Variants in WNK3 observed in about 807,000 individuals in gnomAD.
WNK3 encodes the protein WNK lysine deficient protein kinase 3.
In WNK3, 18 loss-of-function variants were observed where a neutral mutation model predicts 116.7. The observed-to-expected ratio is 0.15, with a 90% CI of 0.11 to 0.23. WNK3 has a LOEUF of 0.23. WNK3 is among the 10% of genes least tolerant of loss of function. The probability of loss-of-function intolerance (pLI) is 1.00; values close to 1 mark genes in which losing one functional copy is unlikely to be tolerated. For missense variants in WNK3, 993 were observed against 1,323.8 expected, an observed-to-expected ratio of 0.75 and a Z score of 3.88; for synonymous variants, 404 against 469.4, an observed-to-expected ratio of 0.86 and a Z score of 1.80.
At chrX:54,197,233 A>G (rs909236928) in exon 24 of WNK3, 1 of 112,258 alleles carries the variant, frequency 8.9e-6, no homozygotes, top group Non-Finnish European at 1.9e-5. Flanking sequence ...AGACAAACCA[A>G]TGCCTCTCAG....
intron 1 of WNK3, among the ~76,000 whole-genome samples, chrX:54,351,419 T>C (rs973450442): frequency 9.0e-6 from 1 of 110,650 alleles, no homozygotes; most frequent in Non-Finnish European, 1.9e-5. Flanking sequence ...TTTAATCTAA[T>C]GCTATATTAC....
intron 15 of WNK3, 88 bp downstream of exon 15, chrX:54,251,311 C>T (rs782734939): frequency 3.2e-6 from 2 of 616,680 alleles, no homozygotes; most frequent in Non-Finnish European, 5.0e-6. Flanking sequence ...AATTTATTGG[C>T]TAACATCTTT....
chrX:54,309,541 GT>G (rs1255806244), intron 3 of WNK3, among the ~76,000 whole-genome samples: 3 of 109,868 alleles, frequency 2.7e-5, no homozygotes, highest in Admixed American at 2.0e-4. Context: ...TGGTTGGTTG[GT>G]TTTTTTTTAA....
At chrX:54,251,339 A>G in intron 15 of WNK3, 60 bp downstream of exon 15, 1 of 831,141 alleles carries the variant, frequency 1.2e-6, no homozygotes, top group Non-Finnish European at 1.7e-6. Flanking sequence ...AAGGTGTGTT[A>G]AAAGTTTTCA....
At chrX:54,280,885 G>A (rs1160044191) in intron 10 of WNK3, among the ~76,000 whole-genome samples, 1 of 110,486 alleles carries the variant, frequency 9.1e-6, no homozygotes, top group Non-Finnish European at 1.9e-5. Flanking sequence ...TCAGCATCAT[G>A]CAATATACCT....
chrX:54,238,939 C>T (rs868955784), exon 18 of WNK3: 13 of 1,203,877 alleles, frequency 1.1e-5, no homozygotes, highest in Non-Finnish European at 1.5e-5. Flanking sequence ...TTTTAATTTG[C>T]GAGTCCAGGA....
chrX:54,343,311 A>T (rs1382214834), intron 1 of WNK3, among the ~76,000 whole-genome samples: 1 of 110,636 alleles, frequency 9.0e-6, no homozygotes, highest in African/African-American at 3.3e-5. Context: ...GTTCAAGATC[A>T]GCCTGGCCAA....
At chrX:54,230,389 C>T (rs1440205843) in intron 21 of WNK3, among the ~76,000 whole-genome samples, 1 of 110,833 alleles carries the variant, frequency 9.0e-6, no homozygotes, top group East Asian at 2.8e-4. Flanking sequence ...ATATACAGAT[C>T]ACAAATAAGT....
intron 23 of WNK3, among the ~76,000 whole-genome samples, chrX:54,199,176 A>C (rs183681207): frequency 4.4e-4 from 49 of 110,436 alleles, no homozygotes; most frequent in African/African-American, 1.5e-3. Flanking sequence ...ATCTTCCCCT[A>C]CCAAAGCACA....
At chrX:54,270,306 C>T (rs1330346205) in intron 10 of WNK3, among the ~76,000 whole-genome samples, 2 of 109,582 alleles carry the variant, frequency 1.8e-5, no homozygotes, top group Admixed American at 9.9e-5. Flanking sequence ...GGTTTCTCCA[C>T]GTTGGTCAGG....
At chrX:54,259,804 G>A (rs1557156336) in intron 10 of WNK3, among the ~76,000 whole-genome samples, 1 of 111,529 alleles carries the variant, frequency 9.0e-6, no homozygotes, top group Non-Finnish European at 1.9e-5. Flanking sequence ...GTACTCAGCA[G>A]CTGCAACATT....
In WNK3 at chrX:54,255,902, A is replaced by T. The variant is rs782440964; in HGVS notation, c.2103-15T>A. ...CTTGATTCAAGCTAGTAATATTTTTAAAAAAGTAACTCATTCCAGTCTTGA... is the reference window on the plus strand; with the variant it reads ...CTTGATTCAAGCTAGTAATATTTTTTAAAAAGTAACTCATTCCAGTCTTGA... On this transcript the variant is annotated splice_polypyrimidine_tract_variant and intron_variant, in intron 11 of 23. Transcript: ENST00000354646. 5.1e-6 allele frequency: 6 copies of T among 1,184,797 alleles called. No individual in the cohort carries two copies. The highest frequency in any genetic ancestry group is 3.6e-5 in the African/African-American group (2 of 56,244).
intron 10 of WNK3, among the ~76,000 whole-genome samples, chrX:54,270,532 T>C (rs1557159020): frequency 9.2e-6 from 1 of 108,353 alleles, no homozygotes; most frequent in African/African-American, 3.4e-5. Flanking sequence ...CCCTCCCAAG[T>C]AGCTGGGATT....
upstream of WNK3, chrX:54,358,669 GC>G (rs1299846221): frequency 8.8e-6 from 1 of 113,094 alleles, no homozygotes; most frequent in Non-Finnish European, 1.9e-5. Context: ...GCGCGCGGGG[GC>G]TGGGAAACGA....
At chrX:54,273,994 C>T (rs1290253153) in intron 10 of WNK3, among the ~76,000 whole-genome samples, 1 of 111,528 alleles carries the variant, frequency 9.0e-6, no homozygotes, top group Non-Finnish European at 1.9e-5. Flanking sequence ...CAACTTGTCT[C>T]TCCTCTACAG....
chrX:54,315,370 C>G (rs1375699021), intron 2 of WNK3, among the ~76,000 whole-genome samples: 3 of 110,476 alleles, frequency 2.7e-5, no homozygotes, highest in African/African-American at 9.9e-5. Context: ...TGCCCCTCCC[C>G]CTGACACACT....
At chrX:54,265,622 G>A (rs2068301289) in intron 10 of WNK3, among the ~76,000 whole-genome samples, 1 of 112,374 alleles carries the variant, frequency 8.9e-6, no homozygotes, top group African/African-American at 3.2e-5. Context: ...GATGAGCAAC[G>A]AGAGGTTGTG....
At chrX:54,347,916 C>T (rs1434362886) in intron 1 of WNK3, among the ~76,000 whole-genome samples, 2 of 109,359 alleles carry the variant, frequency 1.8e-5, no homozygotes, top group Non-Finnish European at 3.8e-5. Context: ...TGTATTCCTC[C>T]AGAATCTCTT....
intron 10 of WNK3, among the ~76,000 whole-genome samples, chrX:54,272,922 T>C (rs1296136168): frequency 8.9e-6 from 1 of 111,863 alleles, no homozygotes; most frequent in African/African-American, 3.2e-5. Context: ...AAATAGAAAA[T>C]AGAACCACAA....
Sources: gnomAD v4.1 joint callset for allele counts (sites outside exome capture counted in the v4.1 genomes callset) on GRCh38, gnomAD v4.1.1 for gene constraint, MANE v1.5 for transcripts, NCBI Gene and HGNC (gene_info 2026-07-23, HGNC 2026-07-21) for gene names.